The following FRYL variants were observed in gnomAD, a reference collection of about 807,000 sequenced individuals.
The protein encoded by FRYL is FRY like transcription coactivator.
In FRYL, 150 loss-of-function variants were observed where a neutral mutation model predicts 351.2. The ratio of observed to expected loss-of-function variants is 0.43; its 90% CI spans 0.37 to 0.49. FRYL has a LOEUF of 0.49. FRYL is among the 20% of genes least tolerant of loss of function. The pLI, the probability that FRYL is intolerant of heterozygous loss-of-function variation, is 0.00. For missense variants in FRYL, 3,036 were observed against 3,619.3 expected (o/e 0.84, Z 4.13); for synonymous variants, 1,153 against 1,257.1 (o/e 0.92, Z 1.75).
intron 53 of FRYL, among the ~76,000 whole-genome samples, chr4:48,526,871 TGA>T (rs1726351825): frequency 3.9e-5 from 6 of 152,168 alleles, no homozygotes; most frequent in African/African-American, 9.7e-5. Flanking sequence ...ACCAGGCATT[TGA>T]GAGAGTTACC....
intron 2 of FRYL, among the ~76,000 whole-genome samples, chr4:48,700,144 T>C (rs1485791612): frequency 6.6e-6 from 1 of 152,218 alleles, no homozygotes; most frequent in East Asian, 1.9e-4. Flanking sequence ...AGCTCTATAC[T>C]GTCTCAGAAG....
At chr4:48,745,205 A>G (rs1412664035) in intron 1 of FRYL, among the ~76,000 whole-genome samples, 2 of 152,206 alleles carry the variant, frequency 1.3e-5, no homozygotes, top group Non-Finnish European at 2.9e-5. Context: ...CGACTCCTCA[A>G]GGATCTAGAA....
chr4:48,759,333 A>C (rs1050257552), intron 1 of FRYL, among the ~76,000 whole-genome samples: 19 of 152,204 alleles, frequency 1.2e-4, no homozygotes, highest in African/African-American at 4.6e-4. Flanking sequence ...GTAGCAGACA[A>C]GGGTTAAGGT....
chr4:48,770,512 A>G (rs1775402168), intron 1 of FRYL, among the ~76,000 whole-genome samples: 1 of 151,950 alleles, frequency 6.6e-6, no homozygotes, highest in African/African-American at 2.4e-5. Flanking sequence ...ATCTCGGCTC[A>G]CCGCAACCTC....
At chr4:48,712,641 T>C (rs1768228180) in intron 1 of FRYL, among the ~76,000 whole-genome samples, 2 of 152,148 alleles carry the variant, frequency 1.3e-5, no homozygotes, top group Non-Finnish European at 2.9e-5. Context: ...TGGAAAACAC[T>C]CTGCAGGATA....
chr4:48,753,676 T>G (rs184151751), intron 1 of FRYL, among the ~76,000 whole-genome samples: 143 of 152,346 alleles, frequency 9.4e-4, no homozygotes, highest in African/African-American at 3.1e-3. Flanking sequence ...CTGTTGTCTG[T>G]GCTTTTGGTG....
At chr4:48,696,142 A>G (rs1766142972) in intron 2 of FRYL, among the ~76,000 whole-genome samples, 1 of 152,208 alleles carries the variant, frequency 6.6e-6, no homozygotes, top group South Asian at 2.1e-4. Context: ...ATCTAGAACC[A>G]GAAATACCAT....
chr4:48,586,120 A>T (rs1255325796), intron 19 of FRYL, among the ~76,000 whole-genome samples: 1 of 152,218 alleles, frequency 6.6e-6, no homozygotes, highest in Non-Finnish European at 1.5e-5. Context: ...TTTGGTTGTC[A>T]GGTTATTTAC....
At chr4:48,502,611 T>G (rs1485987142) in intron 61 of FRYL, among the ~76,000 whole-genome samples, 1 of 152,096 alleles carries the variant, frequency 6.6e-6, no homozygotes, top group Non-Finnish European at 1.5e-5. Flanking sequence ...GAGATATGTT[T>G]AAGAAAAAGG....
intron 3 of FRYL, chr4:48,636,914 A>G (rs1754342917): frequency 6.6e-6 from 1 of 152,086 alleles, no homozygotes; most frequent in East Asian, 1.9e-4. Context: ...TAATAAACAG[A>G]ATGCTAAACA....
chr4:48,579,664 T>C (rs1431534854), intron 22 of FRYL, among the ~76,000 whole-genome samples: 1 of 152,212 alleles, frequency 6.6e-6, no homozygotes, highest in Admixed American at 6.5e-5. Context: ...TATTCTTAAA[T>C]ACTTGTTCAA....
At chr4:48,647,596 T>A (rs1756786680) in intron 3 of FRYL, among the ~76,000 whole-genome samples, 1 of 152,134 alleles carries the variant, frequency 6.6e-6, no homozygotes, top group Non-Finnish European at 1.5e-5. Context: ...CACTAACTGT[T>A]TAGTCTCAAA....
intron 49 of FRYL, 68 bp downstream of exon 49, chr4:48,534,477 C>G: frequency 8.1e-7 from 1 of 1,229,398 alleles, no homozygotes; most frequent in Non-Finnish European, 1.2e-6. Flanking sequence ...TAAGGCATTT[C>G]CAATATTGTG....
In FRYL at chr4:48,497,373, TATTC is replaced by T. The variant is rs1325458986; in HGVS notation, c.*2045_*2048del. The T allele has an allele frequency of 1.3e-5, 2 of 152,316 alleles. No individual in the cohort carries two copies. Among genetic ancestry groups the T allele is most frequent in the African/African-American group, 4.8e-5 (2 of 41,466 alleles). 9.4% of individuals were successfully genotyped at this position (152,316 alleles called of 1,614,324 possible). ...GTTTGCATCTTGCTTGCTGCAGGTA[TATTC>T]ATTTTTATTATATTAATAGACTTAG... On this transcript the variant is annotated 3_prime_UTR_variant, in exon 64 of 64. Transcript: ENST00000358350.
At chr4:48,552,430 T>C (rs1733076871) in intron 36 of FRYL, among the ~76,000 whole-genome samples, 2 of 36,774 alleles carry the variant, frequency 5.4e-5, no homozygotes, top group Admixed American at 4.0e-4. Flanking sequence ...TATATACTTA[T>C]AGAACTTATA....
In FRYL at chr4:48,622,694, C is replaced by T. The variant is rs111455162; in HGVS notation, c.174+432G>A. ...TTAAATACTTATAACAAAATTGATCCAACATTTAATCCAAGCAAGAGGAAG... is the reference window on the plus strand; with the variant it reads ...TTAAATACTTATAACAAAATTGATCTAACATTTAATCCAAGCAAGAGGAAG... On this transcript the variant is annotated intron_variant, in intron 5 of 63. Transcript: ENST00000358350. Among the ~76,000 whole-genome samples, 540 of 151,766 alleles carry T rather than the reference C, an allele frequency of 3.6e-3. 6 individuals carry two copies. The highest frequency in any genetic ancestry group is 0.013 in the African/African-American group (527 of 41,384).
intron 1 of FRYL, among the ~76,000 whole-genome samples, chr4:48,752,083 T>C (rs866400375): frequency 2.6e-5 from 4 of 152,136 alleles, no homozygotes; most frequent in African/African-American, 7.2e-5. Context: ...AAGAACGTTA[T>C]TGGGCAAATA....
At chr4:48,737,101 G>A (rs1431631521) in intron 1 of FRYL, among the ~76,000 whole-genome samples, 9 of 151,430 alleles carry the variant, frequency 5.9e-5, no homozygotes, top group East Asian at 3.9e-4. Flanking sequence ...CCAACATGGC[G>A]AAACCCCATC....
chr4:48,725,893 T>C (rs1015305571), intron 1 of FRYL, among the ~76,000 whole-genome samples: 1 of 152,182 alleles, frequency 6.6e-6, no homozygotes, highest in African/African-American at 2.4e-5. Flanking sequence ...AAACATAGTA[T>C]ACATAGGATT....
Sources: allele counts gnomAD v4.1 joint callset (sites outside exome capture counted in the v4.1 genomes callset), GRCh38; gene constraint gnomAD v4.1.1; transcripts MANE v1.5; gene names NCBI Gene and HGNC (gene_info 2026-07-23, HGNC 2026-07-21).